Variants in AUTS2 observed in about 807,000 individuals in gnomAD.
The protein encoded by AUTS2 is activator of transcription and developmental regulator AUTS2.
Under a neutral mutation model 112.4 loss-of-function variants are expected in AUTS2, and 17 were observed. The ratio of observed to expected loss-of-function variants is 0.15; its 90% CI spans 0.10 to 0.23. The LOEUF (loss-of-function observed/expected upper bound fraction) is 0.23, where lower values mean the gene tolerates loss of function less well. Ranked by LOEUF, AUTS2 falls within the 10% of genes least tolerant of loss-of-function variation. The pLI, the probability that AUTS2 is intolerant of heterozygous loss-of-function variation, is 1.00. For missense variants in AUTS2, 1,510 were observed against 1,701.6 expected (o/e 0.89, Z 1.98); for synonymous variants, 751 against 702.7 (o/e 1.07, Z -1.09).
chr7:70,390,983 A>T (rs1293938121), intron 4 of AUTS2, among the ~76,000 whole-genome samples: 2 of 152,140 alleles, frequency 1.3e-5, no homozygotes, highest in African/African-American at 4.8e-5. Context: ...TAACTGTAAA[A>T]CCATATCCTG....
chr7:69,824,004 A>C (rs1168955442), intron 1 of AUTS2, among the ~76,000 whole-genome samples: 1 of 152,200 alleles, frequency 6.6e-6, no homozygotes, highest in East Asian at 1.9e-4. Flanking sequence ...CATCTATAAA[A>C]TAGGGTTAGT....
chr7:70,158,596 C>T, intron 4 of AUTS2, among the ~76,000 whole-genome samples: 1 of 152,084 alleles, frequency 6.6e-6, no homozygotes, highest in East Asian at 1.9e-4. Flanking sequence ...CTATGAGTTA[C>T]ATTTTGGGTG....
intron 5 of AUTS2, among the ~76,000 whole-genome samples, chr7:70,451,597 T>TAA (rs1796536985): frequency 6.6e-6 from 1 of 152,222 alleles, no homozygotes; most frequent in East Asian, 1.9e-4. Flanking sequence ...CCACATGTGT[T>TAA]AAAGTACCAT....
chr7:70,616,588 C>T (rs1011910242), intron 5 of AUTS2, among the ~76,000 whole-genome samples: 1 of 152,124 alleles, frequency 6.6e-6, no homozygotes, highest in African/African-American at 2.4e-5. Flanking sequence ...GTTGAGTCCC[C>T]AGTGCCTGAC....
chr7:70,147,243 A>G (rs951631660), intron 4 of AUTS2, among the ~76,000 whole-genome samples: 2 of 152,032 alleles, frequency 1.3e-5, no homozygotes, highest in Non-Finnish European at 2.9e-5. Context: ...AAGTAAAATC[A>G]TGACTCTCAT....
chr7:70,585,247 AACAGCTGGACTGAC>A (rs770014644), intron 5 of AUTS2, among the ~76,000 whole-genome samples: 50 of 152,092 alleles, frequency 3.3e-4, no homozygotes, highest in Non-Finnish European at 6.6e-4. Context: ...CTGCTGTGGA[AACAGCTGGACTGAC>A]ACACAGAGAG....
intron 6 of AUTS2, among the ~76,000 whole-genome samples, chr7:70,734,297 GGGCATGGT>G (rs1218510417): frequency 8.6e-5 from 13 of 151,992 alleles, no homozygotes; most frequent in African/African-American, 2.9e-4. Flanking sequence ...AAAATTAGCT[GGGCATGGT>G]GGCCGGTGCC....
At chr7:70,054,784 A>G (rs1220934927) in intron 2 of AUTS2, among the ~76,000 whole-genome samples, 2 of 152,174 alleles carry the variant, frequency 1.3e-5, no homozygotes, top group Admixed American at 6.5e-5. Context: ...ATAGTAATCA[A>G]AACACTGGAA....
chr7:69,987,110 A>G (rs906152910), intron 2 of AUTS2, among the ~76,000 whole-genome samples: 1 of 152,220 alleles, frequency 6.6e-6, no homozygotes, highest in South Asian at 2.1e-4. Context: ...ATTTTACATC[A>G]CACCATAATT....
rs143921895 is a variant in AUTS2, at chr7:69,763,461, A to G, written c.310-135825A>G. Reference sequence around the variant, plus strand: ...AGTAATAATATCTGCCTTAGTAATAATATCTTCTCATTCTTGTAGGTCCAT... The same window carrying G: ...AGTAATAATATCTGCCTTAGTAATAGTATCTTCTCATTCTTGTAGGTCCAT... On this transcript the variant is annotated intron_variant, in intron 1 of 18. Coordinates refer to ENST00000342771, the MANE Select transcript of AUTS2 (RefSeq NM_015570.4). Among the ~76,000 whole-genome samples the G allele has an allele frequency of 5.9e-5, 9 of 152,278 alleles. No homozygotes were observed. In the East Asian group the frequency reaches 1.5e-3, roughly 26 times the overall value.
intron 5 of AUTS2, among the ~76,000 whole-genome samples, chr7:70,630,529 A>G (rs183981037): frequency 6.6e-6 from 1 of 152,260 alleles, no homozygotes; most frequent in Non-Finnish European, 1.5e-5. Flanking sequence ...TGAACTTGCC[A>G]CTGCCCCTGG....
At chr7:69,666,010 A>T (rs568682864) in intron 1 of AUTS2, among the ~76,000 whole-genome samples, 3 of 152,346 alleles carry the variant, frequency 2.0e-5, no homozygotes, top group East Asian at 3.8e-4. Flanking sequence ...AGAGCCCTCA[A>T]TTTAATAATA....
At chr7:70,652,701 A>G (rs1353048733) in intron 5 of AUTS2, among the ~76,000 whole-genome samples, 1 of 152,192 alleles carries the variant, frequency 6.6e-6, no homozygotes, top group East Asian at 1.9e-4. Flanking sequence ...CCTGGGCAAC[A>G]TAGCAAGACC....
At chr7:70,500,548 G>A (rs1380892332) in intron 5 of AUTS2, among the ~76,000 whole-genome samples, 2 of 152,138 alleles carry the variant, frequency 1.3e-5, no homozygotes, top group East Asian at 1.9e-4. Flanking sequence ...GAAAGATTCC[G>A]CTTCTCCATT....
chr7:69,975,871 A>G (rs1323186964), intron 2 of AUTS2, among the ~76,000 whole-genome samples: 1 of 151,834 alleles, frequency 6.6e-6, no homozygotes, highest in Non-Finnish European at 1.5e-5. Context: ...TATTTTTAGT[A>G]GAGACAGGGT....
intron 1 of AUTS2, among the ~76,000 whole-genome samples, chr7:69,880,609 A>G (rs185341480): frequency 2.6e-5 from 4 of 152,220 alleles, no homozygotes; most frequent in Non-Finnish European, 5.9e-5. Context: ...CCTTGCAAAT[A>G]TAATGGCAGA....
intron 2 of AUTS2, among the ~76,000 whole-genome samples, chr7:70,062,587 A>G (rs977285426): frequency 5.3e-5 from 8 of 151,854 alleles, no homozygotes; most frequent in Non-Finnish European, 1.0e-4. Flanking sequence ...TTGCAATTTG[A>G]TATCCTTAGC....
chr7:69,628,098 G>A (rs769826156), intron 1 of AUTS2, among the ~76,000 whole-genome samples: 1 of 152,120 alleles, frequency 6.6e-6, no homozygotes, highest in Non-Finnish European at 1.5e-5. Context: ...TGCTTATGTA[G>A]TGCCATTGTC....
At position 69,645,959 on chromosome 7, in the gene AUTS2, C is replaced by G. The variant is rs76597796; in HGVS notation, c.309+45997C>G. ...GGTGGCCTGGGGGTGTCAGCTGAAA[C>G]GGTCTGGATTTTTTTTTTTTTTTTT... On this transcript the variant is annotated intron_variant, in intron 1 of 18. Coordinates refer to ENST00000342771, the MANE Select transcript of AUTS2 (RefSeq NM_015570.4). Among the ~76,000 whole-genome samples, 1,158 of 151,008 alleles carry G rather than the reference C, an allele frequency of 7.7e-3. 13 individuals carry two copies. Among genetic ancestry groups the G allele is most frequent in the East Asian group, 0.053 (271 of 5,142 alleles).
Sources: allele counts gnomAD v4.1 joint callset (sites outside exome capture counted in the v4.1 genomes callset), GRCh38; gene constraint gnomAD v4.1.1; transcripts MANE v1.5; gene names NCBI Gene and HGNC (gene_info 2026-07-23, HGNC 2026-07-21).